Variants in TBXAS1 observed in about 807,000 individuals in gnomAD.
The protein encoded by TBXAS1 is thromboxane-A synthase.
A neutral mutation model predicts 60.7 loss-of-function variants in TBXAS1; 48 were observed. The ratio of observed to expected loss-of-function variants is 0.79; its 90% CI spans 0.63 to 1.01. TBXAS1 has a LOEUF of 1.01. Among genes scored for constraint, TBXAS1 ranks in the 50% least tolerant of loss-of-function variants. The pLI is 0.00. For synonymous variants in TBXAS1, 287 were observed against 269.7 expected, an observed-to-expected ratio of 1.06 and a Z score of -0.63; for missense variants, 685 against 686.3, an observed-to-expected ratio of 1.00 and a Z score of 0.02.
intron 1 of TBXAS1, among the ~76,000 whole-genome samples, chr7:139,779,742 C>T (rs745884725): frequency 7.2e-5 from 11 of 152,198 alleles, no homozygotes; most frequent in Non-Finnish European, 1.5e-4. Context: ...AGGACTCAAC[C>T]TCTGCAGGTG....
chr7:139,824,277 GGGGCAAGTGGGCACCTCCCCGCAT>G (rs1383055040), upstream of TBXAS1, among the ~76,000 whole-genome samples: 8 of 152,196 alleles, frequency 5.3e-5, no homozygotes, highest in Admixed American at 4.6e-4. Flanking sequence ...CCTACAAAGT[GGGGCAAGTGGGCACCTCCCCGCAT>G]GGCTCGAGAC....
chr7:139,902,353 G>A (rs1319774417), intron 3 of TBXAS1, among the ~76,000 whole-genome samples: 2 of 152,012 alleles, frequency 1.3e-5, no homozygotes, highest in Non-Finnish European at 2.9e-5. Flanking sequence ...TATGTAAACA[G>A]AATCATACAG....
rs267601315 is a variant in TBXAS1, at chr7:139,957,693, G to A, written c.748G>A (p.Glu250Lys). 2.2e-5 allele frequency: 36 copies of A among 1,613,922 alleles called. No individual in the cohort carries two copies. Among genetic ancestry groups the A allele is most frequent in the Non-Finnish European group, 2.9e-5 (34 of 1,180,036 alleles). The change falls in exon 8 of 13, where the codon GAA becomes AAA. Residue 250 changes from glutamate to lysine, a missense_variant. Physicochemically the swap from Glu to Lys is moderately conservative, Grantham distance 56. Coordinates refer to ENST00000448866, the MANE Select transcript of TBXAS1 (RefSeq NM_001061.7). ...GATTTTGCCCAATAAGAACCGAGAC[G>A]AACTGAATGGCTTTTTTAACAAACT... ...ARILPNKNRD[E>K]LNGFFNKLIR... is the part of the protein sequence containing the mutation.
chr7:139,854,249 A>G (rs895231950), intron 1 of TBXAS1, among the ~76,000 whole-genome samples: 6 of 152,116 alleles, frequency 3.9e-5, no homozygotes, highest in Non-Finnish European at 8.8e-5. Context: ...AAAGCCCAGA[A>G]CGGTGAAACG....
intron 9 of TBXAS1, among the ~76,000 whole-genome samples, chr7:139,972,812 T>TCGTC (rs1357494362): frequency 6.6e-6 from 1 of 152,098 alleles, no homozygotes; most frequent in African/African-American, 2.4e-5. Context: ...CTAGGAAGCC[T>TCGTC]CGTCCGCTGG....
At chr7:139,931,337 G>A (rs1807314114) in intron 4 of TBXAS1, among the ~76,000 whole-genome samples, 1 of 152,136 alleles carries the variant, frequency 6.6e-6, no homozygotes, top group Non-Finnish European at 1.5e-5. Context: ...CTGACAGACA[G>A]GAGCCTCGAA....
intron 1 of TBXAS1, among the ~76,000 whole-genome samples, chr7:139,844,716 T>C (rs961834774): frequency 1.4e-4 from 21 of 152,180 alleles, no homozygotes; most frequent in African/African-American, 5.1e-4. Context: ...CAGTTGTACA[T>C]TTAAGGATTT....
intron 9 of TBXAS1, among the ~76,000 whole-genome samples, chr7:139,984,640 G>GAGAAAGAAAGAAAGAAAGAAAGAA (rs72314614): frequency 1.0e-5 from 1 of 99,786 alleles, no homozygotes; most frequent in Admixed American, 1.0e-4. Flanking sequence ...GAGAGAGAGA[G>GAGAAAGAAAGAAAGAAAGAAAGAA]AGAAAGAAAG....
chr7:139,912,189 A>G (rs1277008529), intron 4 of TBXAS1, among the ~76,000 whole-genome samples: 1 of 152,126 alleles, frequency 6.6e-6, no homozygotes, highest in African/African-American at 2.4e-5. Flanking sequence ...GAGGGGCTCC[A>G]GTGAGCTGAG....
chr7:139,988,506 G>A (rs1344936114), intron 9 of TBXAS1, among the ~76,000 whole-genome samples: 1 of 152,184 alleles, frequency 6.6e-6, no homozygotes, highest in Non-Finnish European at 1.5e-5. Context: ...CCAGCCCCCA[G>A]CTCCTTGCTT....
At chr7:139,788,901 G>A (rs905993130) in intron 4 of TBXAS1, among the ~76,000 whole-genome samples, 32 of 152,208 alleles carry the variant, frequency 2.1e-4, no homozygotes, top group African/African-American at 7.5e-4. Flanking sequence ...ATTTCCAAAA[G>A]CAATAGAGAA....
At chr7:139,967,709 G>C (rs923262504) in intron 9 of TBXAS1, among the ~76,000 whole-genome samples, 1 of 152,146 alleles carries the variant, frequency 6.6e-6, no homozygotes, top group South Asian at 2.1e-4. Flanking sequence ...CTGAGCTCTC[G>C]AGCGGAGGAG....
chr7:139,919,242 C>G (rs1004275809), intron 4 of TBXAS1, among the ~76,000 whole-genome samples: 4 of 152,218 alleles, frequency 2.6e-5, no homozygotes, highest in African/African-American at 9.6e-5. Flanking sequence ...TGGCTGTCCT[C>G]ATCTGTGCCT....
chr7:139,848,962 AG>A lies in TBXAS1; in HGVS notation c.89+19484del, dbSNP rs1174857681. 3.9e-5 allele frequency among the ~76,000 whole-genome samples: 6 copies of A among 152,344 alleles called. No individual in the cohort carries two copies. In the East Asian group the frequency reaches 9.6e-4, roughly 24 times the overall value. ...GGCAAAATAGAATCTAGGGGCCACA[AG>A]TCACAAGACAAAATAAAACCATAAC... On this transcript the variant is annotated intron_variant, in intron 1 of 12. Transcript: ENST00000448866.
intron 5 of TBXAS1, among the ~76,000 whole-genome samples, chr7:139,939,387 A>T (rs1246795787): frequency 6.6e-6 from 1 of 151,384 alleles, no homozygotes; most frequent in Non-Finnish European, 1.5e-5. Flanking sequence ...AAAAAAAAAA[A>T]AAAAAAAGCC....
intron 4 of TBXAS1, among the ~76,000 whole-genome samples, chr7:139,794,514 C>CT (rs528710596): frequency 0.067 from 9,719 of 144,772 alleles, 996 homozygotes; most frequent in African/African-American, 0.23. Flanking sequence ...TTCTCCCTTT[C>CT]TTTTTTTTTT....
intron 4 of TBXAS1, among the ~76,000 whole-genome samples, chr7:139,806,413 C>G (rs983866101): frequency 2.0e-5 from 3 of 151,818 alleles, no homozygotes; most frequent in African/African-American, 4.8e-5. Context: ...CAGGCGCGCT[C>G]TACCATACCC....
intron 11 of TBXAS1, 54 bp downstream of exon 11, chr7:140,015,914 A>G: frequency 6.2e-7 from 1 of 1,610,952 alleles, no homozygotes. Context: ...TGTGGGATAG[A>G]AATTTACCAG....
intron 3 of TBXAS1, among the ~76,000 whole-genome samples, chr7:139,910,293 GCTGA>G (rs745905415): frequency 3.8e-4 from 58 of 152,272 alleles, no homozygotes; most frequent in African/African-American, 1.3e-3. Flanking sequence ...CACGCCACCA[GCTGA>G]CTGACTGACT....
Sources: allele counts gnomAD v4.1 joint callset (sites outside exome capture counted in the v4.1 genomes callset), GRCh38; gene constraint gnomAD v4.1.1; transcripts MANE v1.5; gene names NCBI Gene and HGNC (gene_info 2026-07-23, HGNC 2026-07-21).